The following CTNNA3 variants were observed in gnomAD, a reference collection of about 807,000 sequenced individuals.
The protein encoded by CTNNA3 is catenin alpha-3.
Under a neutral mutation model 95.7 loss-of-function variants are expected in CTNNA3, and 76 were observed. The observed-to-expected ratio is 0.79, with a 90% CI of 0.66 to 0.96. The LOEUF is 0.96. Ranked by LOEUF, CTNNA3 falls within the 40% of genes least tolerant of loss-of-function variation. CTNNA3 has a pLI of 0.00. For missense variants in CTNNA3, 1,191 were observed against 1,089.8 expected (o/e 1.09, Z -1.31); for synonymous variants, 431 against 374.4 (o/e 1.15, Z -1.74).
intron 10 of CTNNA3, among the ~76,000 whole-genome samples, chr10:66,581,621 T>A (rs1329807775): frequency 6.6e-6 from 1 of 151,708 alleles, no homozygotes; most frequent in Non-Finnish European, 1.5e-5. Context: ...TAATGATTAT[T>A]TATTTTGCTG....
chr10:66,164,718 A>G (rs2085034274), intron 13 of CTNNA3, among the ~76,000 whole-genome samples: 1 of 152,172 alleles, frequency 6.6e-6, no homozygotes, highest in Admixed American at 6.6e-5. Flanking sequence ...TCTATGTGAA[A>G]TTTGTCTTTA....
chr10:67,424,621 T>C (rs551957207), intron 5 of CTNNA3, among the ~76,000 whole-genome samples: 5 of 152,250 alleles, frequency 3.3e-5, no homozygotes, highest in African/African-American at 1.2e-4. Flanking sequence ...TTTTTTATAT[T>C]TTGAGGCAAA....
chr10:66,353,238 A>AT (rs1320585138), intron 12 of CTNNA3, among the ~76,000 whole-genome samples: 39 of 152,050 alleles, frequency 2.6e-4, no homozygotes, highest in African/African-American at 9.4e-4. Context: ...TAGATTCATG[A>AT]TATATATTGT....
intron 2 of CTNNA3, among the ~76,000 whole-genome samples, chr10:67,631,303 G>GA (rs11287733): frequency 5.2e-4 from 76 of 145,642 alleles, no homozygotes; most frequent in Middle Eastern, 3.5e-3. Flanking sequence ...GTGCCCAAGA[G>GA]AAAAAAAAAA....
At chr10:67,573,271 CA>C (rs1449471128) in intron 3 of CTNNA3, among the ~76,000 whole-genome samples, 1 of 151,862 alleles carries the variant, frequency 6.6e-6, no homozygotes, top group Non-Finnish European at 1.5e-5. Context: ...GACCAACCCC[CA>C]AAAAAAATTT....
At chr10:67,237,120 GTGTATGTATATATATATATATA>G (rs1162654862) in intron 5 of CTNNA3, among the ~76,000 whole-genome samples, 745 of 15,646 alleles carry the variant, frequency 0.048, 58 homozygotes, top group South Asian at 0.21. Context: ...AGAAACTATG[GTGTATGTATATATATATATATA>G]TATATATATA....
chr10:66,283,011 C>A (rs920291339), intron 12 of CTNNA3, among the ~76,000 whole-genome samples: 27 of 151,756 alleles, frequency 1.8e-4, no homozygotes, highest in African/African-American at 6.5e-4. Context: ...TGAAAAGCTC[C>A]AAAAATATAT....
intron 6 of CTNNA3, among the ~76,000 whole-genome samples, chr10:67,218,542 T>A (rs1019408242): frequency 2.6e-5 from 4 of 152,186 alleles, no homozygotes; most frequent in Non-Finnish European, 5.9e-5. Flanking sequence ...GTCCCGCTCC[T>A]TCCCTCTTTC....
intron 13 of CTNNA3, among the ~76,000 whole-genome samples, chr10:66,183,672 G>T (rs7076667): frequency 0.4 from 61,431 of 152,048 alleles, 13,510 homozygotes; most frequent in African/African-American, 0.59. Flanking sequence ...AGCAGTTTTC[G>T]AGAGTTTTTA....
intron 5 of CTNNA3, among the ~76,000 whole-genome samples, chr10:67,515,834 T>C (rs1001608324): frequency 1.3e-5 from 2 of 152,240 alleles, no homozygotes; most frequent in Admixed American, 1.3e-4. Flanking sequence ...AATCCATGGC[T>C]ATAGAACTAT....
intron 5 of CTNNA3, among the ~76,000 whole-genome samples, chr10:67,402,112 C>T (rs1844945266): frequency 6.6e-6 from 1 of 152,106 alleles, no homozygotes; most frequent in East Asian, 1.9e-4. Context: ...AAATGACAGA[C>T]ATAGAATTCA....
In CTNNA3 at chr10:67,234,631, C is replaced by G. The variant is rs1865370883; in HGVS notation, c.580-14761G>C. ...ACAGGGATGCCCTCTCTCACCACTC[C>G]TATTCAACATAGTGTTGGAAGTTCT... On this transcript the variant is annotated intron_variant, in intron 5 of 17. Transcript: ENST00000433211. Among the ~76,000 whole-genome samples, 4 of 151,820 alleles carry G rather than the reference C, an allele frequency of 2.6e-5. No homozygotes were observed. In the South Asian group the frequency reaches 8.3e-4, roughly 32 times the overall value.
At chr10:67,637,171 G>A (rs978737816) in intron 2 of CTNNA3, among the ~76,000 whole-genome samples, 8 of 152,158 alleles carry the variant, frequency 5.3e-5, no homozygotes. Context: ...GTTCTTAAAG[G>A]ACCTGATGGA....
chr10:67,634,137 G>T (rs979780718), intron 2 of CTNNA3, among the ~76,000 whole-genome samples: 1 of 152,054 alleles, frequency 6.6e-6, no homozygotes, highest in Admixed American at 6.6e-5. Context: ...ACCACTCAGT[G>T]GAAACCCTAC....
chr10:67,305,043 G>A (rs1335787778), intron 5 of CTNNA3, among the ~76,000 whole-genome samples: 2 of 152,124 alleles, frequency 1.3e-5, no homozygotes, highest in Admixed American at 6.5e-5. Context: ...TTGGGAGGCC[G>A]AGGTGGGCGG....
At chr10:67,408,749 A>T (rs904430849) in intron 5 of CTNNA3, among the ~76,000 whole-genome samples, 1 of 152,088 alleles carries the variant, frequency 6.6e-6, no homozygotes, top group African/African-American at 2.4e-5. Context: ...ATCTAATTAA[A>T]CTAAAGAGCT....
intron 7 of CTNNA3, among the ~76,000 whole-genome samples, chr10:67,050,356 T>G (rs1855007836): frequency 6.6e-6 from 1 of 152,236 alleles, no homozygotes; most frequent in South Asian, 2.1e-4. Context: ...AACTGAATTT[T>G]ATAGAGAGGA....
chr10:66,846,533 T>C (rs918334628), intron 7 of CTNNA3, among the ~76,000 whole-genome samples: 1 of 151,900 alleles, frequency 6.6e-6, no homozygotes, highest in African/African-American at 2.4e-5. Flanking sequence ...TGTACAATCA[T>C]TTCACAATAT....
intron 13 of CTNNA3, among the ~76,000 whole-genome samples, chr10:66,245,765 G>C (rs979380811): frequency 6.6e-6 from 1 of 152,062 alleles, no homozygotes; most frequent in African/African-American, 2.4e-5. Context: ...TTCTCTGCAA[G>C]TTTCTGAAGC....
Sources: gnomAD v4.1 joint callset for allele counts (sites outside exome capture counted in the v4.1 genomes callset) on GRCh38, gnomAD v4.1.1 for gene constraint, MANE v1.5 for transcripts, NCBI Gene and HGNC (gene_info 2026-07-23, HGNC 2026-07-21) for gene names.